Variants in UBR3 observed in about 807,000 individuals in gnomAD.
The protein encoded by UBR3 is ubiquitin protein ligase E3 component n-recognin 3, also known as E3 ubiquitin-protein ligase UBR3.
In UBR3, 85 loss-of-function variants were observed where a neutral mutation model predicts 243.2. The ratio of observed to expected loss-of-function variants is 0.35; its 90% confidence interval spans 0.29 to 0.42. UBR3 has a LOEUF of 0.42. Among genes scored for constraint, UBR3 ranks in the 10% least tolerant of loss-of-function variants. The pLI, the probability that UBR3 is intolerant of heterozygous loss-of-function variation, is 1.00. For synonymous variants in UBR3, 748 were observed against 799.8 expected (o/e 0.94, Z 1.09); for missense variants, 1,686 against 2,300.8 (o/e 0.73, Z 5.47).
At chr2:169,890,565 G>GTATATATATATATATGTATATATA (rs1159868093) in intron 5 of UBR3, among the ~76,000 whole-genome samples, 1 of 71,220 alleles carries the variant, frequency 1.4e-5, no homozygotes, top group African/African-American at 7.3e-5. Flanking sequence ...ATATATATAT[G>GTATATATATATATATGTATATATA]TGTATATATA....
intron 31 of UBR3, among the ~76,000 whole-genome samples, chr2:170,035,692 C>T (rs956178884): frequency 6.6e-6 from 1 of 151,916 alleles, no homozygotes; most frequent in Non-Finnish European, 1.5e-5. Flanking sequence ...TCAACATCTA[C>T]AAAATAACTT....
intron 1 of UBR3, among the ~76,000 whole-genome samples, chr2:169,845,533 C>CGTA: frequency 8.0e-6 from 1 of 125,070 alleles, no homozygotes; most frequent in South Asian, 2.4e-4. Context: ...TCGTCGTCGT[C>CGTA]TTCTTCTTCT....
intron 11 of UBR3, among the ~76,000 whole-genome samples, chr2:169,915,589 G>T (rs2105339847): frequency 6.6e-6 from 1 of 152,260 alleles, no homozygotes; most frequent in East Asian, 1.9e-4. Flanking sequence ...TTCATGATTA[G>T]ATTCAGATTA....
intron 8 of UBR3, among the ~76,000 whole-genome samples, chr2:169,903,590 T>C (rs765762375): frequency 2.0e-5 from 3 of 152,258 alleles, no homozygotes; most frequent in Non-Finnish European, 4.4e-5. Context: ...ACTTATTTAA[T>C]ATTTGGTAAA....
chr2:169,883,380 A>G (rs1251690598), intron 5 of UBR3, among the ~76,000 whole-genome samples: 2 of 152,226 alleles, frequency 1.3e-5, no homozygotes, highest in Non-Finnish European at 2.9e-5. Flanking sequence ...CCAACAGCCC[A>G]AGAGTAGAAG....
intron 1 of UBR3, among the ~76,000 whole-genome samples, chr2:169,845,492 T>TTCGTCGTCGTCGTCGTCGTCGTCG (rs746655489): frequency 8.1e-6 from 1 of 123,504 alleles, no homozygotes; most frequent in African/African-American, 3.8e-5. Flanking sequence ...CCTTTCCCTC[T>TTCGTCGTCGTCGTCGTCGTCGTCG]TCGTCGTCAT....
intron 35 of UBR3, 34 bp from the exon 36 acceptor site, chr2:170,073,394 A>ATACTTTCAGAATTTCC: frequency 6.2e-7 from 1 of 1,610,030 alleles, no homozygotes; most frequent in Non-Finnish European, 8.5e-7. Context: ...TCTTGATGAA[A>ATACTTTCAGAATTTCC]TATTTTCAGA....
chr2:169,915,496 A>G (rs1290716489), intron 11 of UBR3, among the ~76,000 whole-genome samples: 1 of 152,172 alleles, frequency 6.6e-6, no homozygotes, highest in African/African-American at 2.4e-5. Flanking sequence ...TCAGCCTCCC[A>G]AAGTGCTGGG....
chr2:169,911,770 TA>T (rs1319064813), intron 10 of UBR3, among the ~76,000 whole-genome samples: 1 of 152,178 alleles, frequency 6.6e-6, no homozygotes, highest in African/African-American at 2.4e-5. Flanking sequence ...CTTTCGGTTT[TA>T]AAAGTTTATT....
intron 11 of UBR3, 127 bp downstream of exon 11, chr2:169,914,273 CAT>C: frequency 2.3e-6 from 1 of 427,504 alleles, no homozygotes; most frequent in Non-Finnish European, 3.9e-6. Flanking sequence ...AAGTAATGAA[CAT>C]ATTATTAGGC....
chr2:169,904,597 G>A (rs1446321405), intron 8 of UBR3, among the ~76,000 whole-genome samples: 1 of 151,574 alleles, frequency 6.6e-6, no homozygotes, highest in Non-Finnish European at 1.5e-5. Context: ...TTAAATGTGT[G>A]TTTTTTATCT....
intron 31 of UBR3, among the ~76,000 whole-genome samples, chr2:170,034,341 C>T (rs2090768109): frequency 6.6e-6 from 1 of 151,946 alleles, no homozygotes; most frequent in African/African-American, 2.4e-5. Flanking sequence ...CTATTCATCC[C>T]TCCTCAGTAC....
chr2:169,902,731 T>C (rs546619480), intron 8 of UBR3, among the ~76,000 whole-genome samples: 4 of 151,872 alleles, frequency 2.6e-5, no homozygotes, highest in African/African-American at 9.7e-5. Flanking sequence ...TGCCTCAGCC[T>C]CCTGAGTAGT....
At chr2:169,950,927 C>T (rs10209656) in intron 23 of UBR3, among the ~76,000 whole-genome samples, 111,751 of 151,834 alleles carry the variant, frequency 0.74, 42,564 homozygotes, top group East Asian at 0.88. Context: ...TGAGTGTACA[C>T]AGGCTAAAAG....
intron 24 of UBR3, among the ~76,000 whole-genome samples, chr2:169,960,086 C>T (rs751336867): frequency 1.3e-5 from 2 of 151,766 alleles, no homozygotes; most frequent in East Asian, 3.9e-4. Context: ...CCCGTCTCTA[C>T]TAAAAATACA....
chr2:170,021,767 T>G (rs1355752790), intron 30 of UBR3, among the ~76,000 whole-genome samples: 1 of 152,168 alleles, frequency 6.6e-6, no homozygotes. Flanking sequence ...GGTTTAAGAA[T>G]GTGGCATGAA....
chr2:170,054,248 T>G (rs2091283999), intron 32 of UBR3, among the ~76,000 whole-genome samples: 1 of 151,676 alleles, frequency 6.6e-6, no homozygotes, highest in South Asian at 2.1e-4. Flanking sequence ...GCCTCCCAAG[T>G]AGCTAGGATG....
At chr2:170,032,429 T>C (rs578172957) in intron 31 of UBR3, among the ~76,000 whole-genome samples, 3 of 151,936 alleles carry the variant, frequency 2.0e-5, no homozygotes, top group African/African-American at 7.2e-5. Flanking sequence ...CTACCATATG[T>C]AGACCTATTC....
intron 32 of UBR3, among the ~76,000 whole-genome samples, chr2:170,041,644 T>C (rs1180856085): frequency 6.6e-6 from 1 of 152,208 alleles, no homozygotes; most frequent in African/African-American, 2.4e-5. Context: ...AAATATTCAA[T>C]CAGATAATTA....
Sources: allele counts gnomAD v4.1 joint callset (sites outside exome capture counted in the v4.1 genomes callset), GRCh38; gene constraint gnomAD v4.1.1; transcripts MANE v1.5; gene names NCBI Gene and HGNC (gene_info 2026-07-23, HGNC 2026-07-21).